SLC2A11: variants seen among roughly 807,000 people sequenced by gnomAD.
SLC2A11 encodes the protein solute carrier family 2 member 11.
Under a neutral mutation model 52.1 loss-of-function variants are expected in SLC2A11, and 43 were observed. The observed-to-expected ratio is 0.82, with a 90% CI of 0.65 to 1.06. SLC2A11 has a LOEUF of 1.06. SLC2A11 is among the 50% of genes least tolerant of loss of function. The pLI is 0.00. For synonymous variants in SLC2A11, 261 were observed against 277.6 expected, an observed-to-expected ratio of 0.94 and a Z score of 0.59; for missense variants, 582 against 654.2, an observed-to-expected ratio of 0.89 and a Z score of 1.20.
At chr22:23,859,172 TC>T (rs374487563) in intron 1 of SLC2A11, among the ~76,000 whole-genome samples, 36 of 152,322 alleles carry the variant, frequency 2.4e-4, no homozygotes, top group Non-Finnish European at 4.4e-4. Flanking sequence ...AGCTCTCACT[TC>T]CATGCGGCCC....
intron 2 of SLC2A11, chr22:23,868,113 A>G (rs2032329084): frequency 3.1e-6 from 1 of 318,724 alleles, no homozygotes; most frequent in Admixed American, 4.2e-5. Context: ...ATGGGATTAC[A>G]TTGTAGTACA....
intron 6 of SLC2A11, 98 bp from the exon 7 acceptor site, chr22:23,882,361 A>G: frequency 9.0e-7 from 1 of 1,105,784 alleles, no homozygotes; most frequent in Non-Finnish European, 1.3e-6. Context: ...GAGTGAGCCA[A>G]GAAGGAAAGG....
intron 8 of SLC2A11, chr22:23,883,502 A>T (rs1390702436): frequency 6.8e-6 from 3 of 440,882 alleles, no homozygotes; most frequent in African/African-American, 6.2e-5. Flanking sequence ...ACCCTGTCTC[A>T]ATCAATCAAT....
Position 23,884,030 on chromosome 22 carries a change from T to G in SLC2A11, c.1171+6T>G, listed in dbSNP as rs760716720. 6.2e-7 allele frequency: 1 copy of G among 1,611,450 alleles called. No individual in the cohort carries two copies. The highest frequency in any genetic ancestry group is 1.1e-5 in the South Asian group (1 of 90,828). ...CAGCTTTGGCATTGGCCCTGGTGAG[T>G]GGGCCCAAGGGGCTCTGGGCATCCA... On this transcript the variant is annotated splice_donor_region_variant and intron_variant, in intron 10 of 11. Coordinates refer to ENST00000316185, the MANE Select transcript of SLC2A11 (RefSeq NM_001024939.4). This position sits in a 1 kb window ranked among gnomAD's most constrained non-coding sequence, Gnocchi z 4.3.
chr22:23,865,793 C>T lies in SLC2A11; in HGVS notation c.130-2688C>T, dbSNP rs1412628524. On this transcript the variant is annotated intron_variant, in intron 2 of 11. Coordinates refer to ENST00000316185, the MANE Select transcript of SLC2A11 (RefSeq NM_001024939.4). ...GTGGAGGATGAGGATTCTAGCTAAA[C>T]CAACTTAGCACGATACTTGCTAAAA... The T allele has an allele frequency of 2.0e-5, 3 of 152,196 alleles. No individual in the cohort carries two copies. The East Asian group carries it at 5.8e-4, about 29-fold the overall frequency. 9.4% of individuals were successfully genotyped at this position (152,196 alleles called of 1,614,324 possible).
chr22:23,875,256 C>T lies in SLC2A11; in HGVS notation c.415+15C>T, dbSNP rs748950057. ...AGTCAATGCAGGTATGGGGTGGGGG[C>T]TTCTCATCCTGCCTCTCTATGCCTA... On this transcript the variant is annotated intron_variant, in intron 4 of 11. Transcript: ENST00000316185. 2 of 1,408,336 alleles carry T rather than the reference C, an allele frequency of 1.4e-6. No individual in the cohort carries two copies. The highest frequency in any genetic ancestry group is 1.9e-6 in the Non-Finnish European group (2 of 1,069,320). The allele number at this position is 1,408,336 out of a possible 1,614,324, so 87.2% of individuals were successfully genotyped here. A position where few individuals can be genotyped will look rare whatever the true frequency, so the allele number is the denominator to read the frequency against.
chr22:23,863,921 G>A (rs1332878911), intron 2 of SLC2A11, among the ~76,000 whole-genome samples: 1 of 152,060 alleles, frequency 6.6e-6, no homozygotes, highest in Non-Finnish European at 1.5e-5. Flanking sequence ...ATGAGCCACC[G>A]TGCCCAGCTT....
At position 23,877,766 on chromosome 22, in the gene SLC2A11, C is replaced by T. The variant is rs1230365098; in HGVS notation, c.591C>T (p.Ser197=). ...GPQAWPLLLA[S]CLVPGALQLA... is the part of the protein sequence containing the mutation. Reference sequence around the variant, plus strand: ...AGGCCTGGCCCCTGCTGCTGGCCAGCTGCCTGGTGCCCGGGGCGCTCCAGC... The same window carrying T: ...AGGCCTGGCCCCTGCTGCTGGCCAGTTGCCTGGTGCCCGGGGCGCTCCAGC... The change falls in exon 6 of 12, where the codon AGC becomes AGT. Residue 197 remains serine (S), a synonymous_variant. Coordinates refer to ENST00000316185, the MANE Select transcript of SLC2A11 (RefSeq NM_001024939.4). The T allele has an allele frequency of 2.5e-6, 4 of 1,606,916 alleles. No individual in the cohort carries two copies. In the South Asian group the frequency reaches 3.3e-5, roughly 13 times the overall value.
chr22:23,882,414 A>C, intron 6 of SLC2A11, 45 bp from the exon 7 acceptor site: 4 of 1,466,240 alleles, frequency 2.7e-6, no homozygotes, highest in Non-Finnish European at 3.6e-6. Flanking sequence ...GGGACCAAAG[A>C]GGGGCTTGGG....
Position 23,883,844 on chromosome 22 carries a change from A to C in SLC2A11, c.1066A>C (p.Ser356Arg). The C allele has an allele frequency of 6.3e-7, 1 of 1,587,870 alleles. No individual in the cohort carries two copies. The highest frequency in any genetic ancestry group is 1.1e-5 in the South Asian group (1 of 87,600). The change falls in exon 9 of 12, where the codon AGC (serine) becomes CGC (arginine). Residue 356 changes from serine to arginine, a missense_variant. Physicochemically the swap from Ser to Arg is moderately radical, Grantham distance 110 (BLOSUM62 -1). Coordinates refer to ENST00000316185, the MANE Select transcript of SLC2A11 (RefSeq NM_001024939.4). ...GTACAGCCTGATGACCTGCTGGGGGAGCATCTTCACTGTGGCCCTGTGCCT... is the reference window on the plus strand; with the variant it reads ...GTACAGCCTGATGACCTGCTGGGGGCGCATCTTCACTGTGGCCCTGTGCCT... The part of the protein sequence containing the change: ...GGYSLMTCWG[S>R]IFTVALCLQS...
rs757931075 is a variant in SLC2A11, at chr22:23,883,943, C to A, written c.1096-6C>A. The A allele has an allele frequency of 1.3e-5, 21 of 1,612,718 alleles. No individual in the cohort carries two copies. The highest frequency in any genetic ancestry group is 1.8e-5 in the Non-Finnish European group (21 of 1,179,696). On this transcript the variant is annotated splice_polypyrimidine_tract_variant and splice_region_variant and intron_variant, in intron 9 of 11. Coordinates refer to ENST00000316185, the MANE Select transcript of SLC2A11 (RefSeq NM_001024939.4). ...TTCCACCTCACCCCCGCCCCGTCCACGGCAGAGCTCCTTCCCCTGGACACT... is the reference window on the plus strand; with the variant it reads ...TTCCACCTCACCCCCGCCCCGTCCAAGGCAGAGCTCCTTCCCCTGGACACT...
intron 3 of SLC2A11, chr22:23,870,268 T>G (rs528373515): frequency 1.9e-6 from 1 of 537,690 alleles, no homozygotes; most frequent in Non-Finnish European, 3.3e-6. Context: ...AGGAAGAAAT[T>G]AAAAATTCAA....
chr22:23,884,051 A>G lies in SLC2A11; in HGVS notation c.1171+27A>G. On this transcript the variant is annotated intron_variant, in intron 10 of 11. Transcript: ENST00000316185. The surrounding 1 kb of genome is among the most constrained non-coding windows in gnomAD (Gnocchi z 4.3). ...TGAGTGGGCCCAAGGGGCTCTGGGC[A>G]TCCATCATCACATAGAAGGAGTGAT... The G allele has an allele frequency of 1.2e-6, 2 of 1,606,224 alleles. No individual in the cohort carries two copies. Among genetic ancestry groups the G allele is most frequent in the Non-Finnish European group, 1.7e-6 (2 of 1,177,762 alleles).
At chr22:23,879,021 C>G (rs2032716283) in intron 6 of SLC2A11, among the ~76,000 whole-genome samples, 1 of 152,160 alleles carries the variant, frequency 6.6e-6, no homozygotes. Context: ...AATTCTGAAG[C>G]GCCCCTAGGA....
At position 23,868,555 on chromosome 22, in the gene SLC2A11, T is replaced by A. The variant is rs2032345540; in HGVS notation, c.204T>A (p.Leu68=). The change falls in exon 3 of 12, where the codon CTT becomes CTA. Residue 68 remains leucine (L), a synonymous_variant. Coordinates refer to ENST00000316185, the MANE Select transcript of SLC2A11 (RefSeq NM_001024939.4). ...GEPLPDHLVL[L]MWSLIVSLYP... ...CACTGCCCGATCACCTAGTCCTGCT[T>A]ATGTGGTCCCTCATCGTGTCTCTGT... The A allele has an allele frequency of 3.7e-6, 6 of 1,614,198 alleles. No individual in the cohort carries two copies. Among genetic ancestry groups the A allele is most frequent in the Non-Finnish European group, 5.1e-6 (6 of 1,180,022 alleles).
chr22:23,885,465 A>G lies in SLC2A11; in HGVS notation c.*616A>G, dbSNP rs1464881506. On this transcript the variant is annotated 3_prime_UTR_variant, in exon 12 of 12. Coordinates refer to ENST00000316185, the MANE Select transcript of SLC2A11 (RefSeq NM_001024939.4). The stretch of plus-strand genomic sequence containing the variant: ...GTAATCCCAGCACTTTGGGAGGCCA[A>G]GATGGGAAGATTGCTTTGAGACCAG... 6.6e-6 allele frequency: 1 copy of G among 151,812 alleles called. No homozygotes were observed. Among genetic ancestry groups the G allele is most frequent in the Non-Finnish European group, 1.5e-5 (1 of 68,038 alleles). The allele number at this position is 151,812 out of a possible 1,614,324, so 9.4% of individuals were successfully genotyped here.
chr22:23,882,215 G>C lies in SLC2A11; in HGVS notation c.695-244G>C, dbSNP rs541280518. The C allele has an allele frequency of 6.1e-4, 337 of 549,974 alleles. 5 individuals carry two copies. The South Asian group carries it at 6.1e-3, about 10-fold the overall frequency. 34.1% of individuals were successfully genotyped at this position (549,974 alleles called of 1,614,324 possible). A position where few individuals can be genotyped will look rare whatever the true frequency, so the allele number is the denominator to read the frequency against. ...AGAGAGAAACACACACACACACACA[G>C]ACACAGAGACAGAGAGATTGAGAGG... On this transcript the variant is annotated intron_variant, in intron 6 of 11. Transcript: ENST00000316185.
In SLC2A11 at chr22:23,862,257, A is replaced by G. The variant is rs2032098596; in HGVS notation, c.129+55A>G. 4 of 1,521,630 alleles carry G rather than the reference A, an allele frequency of 2.6e-6. No individual in the cohort carries two copies. The East Asian group carries it at 9.0e-5, about 34-fold the overall frequency. 94.3% of individuals were successfully genotyped at this position (1,521,630 alleles called of 1,614,324 possible). On this transcript the variant is annotated intron_variant, in intron 2 of 11. Coordinates refer to ENST00000316185, the MANE Select transcript of SLC2A11 (RefSeq NM_001024939.4). ...CCTGTCTGAGTGGGTACTGGCTAACAGCTGCCCACTGAGGGGCTTCAGCCA... is the reference window on the plus strand; with the variant it reads ...CCTGTCTGAGTGGGTACTGGCTAACGGCTGCCCACTGAGGGGCTTCAGCCA...
intron 6 of SLC2A11, among the ~76,000 whole-genome samples, chr22:23,878,410 G>A (rs2032695950): frequency 6.6e-6 from 1 of 152,200 alleles, no homozygotes; most frequent in Non-Finnish European, 1.5e-5. Flanking sequence ...AGGCTGGTCT[G>A]GACTGGAGCC....
Sources: gnomAD v4.1 joint callset for allele counts (sites outside exome capture counted in the v4.1 genomes callset) on GRCh38, gnomAD v4.1.1 for gene constraint, Gnocchi (gnomAD v3.1) non-coding constraint, MANE v1.5 for transcripts, NCBI Gene and HGNC (gene_info 2026-07-23, HGNC 2026-07-21) for gene names.